Variants in FMNL2 observed in about 807,000 individuals in gnomAD.
FMNL2 encodes the protein formin-like protein 2.
FMNL2 carries 51 observed loss-of-function variants against 130.2 expected under a neutral mutation model. The observed-to-expected ratio is 0.39, with a 90% CI of 0.31 to 0.49. The LOEUF (loss-of-function observed/expected upper bound fraction) is 0.49. Among genes scored for constraint, FMNL2 ranks in the 20% least tolerant of loss-of-function variants. FMNL2 has a pLI of 0.85. For missense variants in FMNL2, 977 were observed against 1,316.2 expected, an observed-to-expected ratio of 0.74 and a Z score of 3.99; for synonymous variants, 465 against 467.1, an observed-to-expected ratio of 1.00 and a Z score of 0.06.
intron 1 of FMNL2, among the ~76,000 whole-genome samples, chr2:152,399,227 G>A (rs892958516): frequency 6.6e-6 from 1 of 152,230 alleles, no homozygotes; most frequent in African/African-American, 2.4e-5. Context: ...AACATTGATA[G>A]AGAAGTGAAA....
At chr2:152,639,045 T>A (rs1204402880) in intron 23 of FMNL2, among the ~76,000 whole-genome samples, 1 of 42,660 alleles carries the variant, frequency 2.3e-5, no homozygotes, top group Non-Finnish European at 5.8e-5. Flanking sequence ...TCCACCTCAC[T>A]GTTCCTCCCT....
At position 152,609,346 on chromosome 2, in the gene FMNL2, C is replaced by T. The variant is rs1029660383; in HGVS notation, c.951+1933C>T. Among the ~76,000 whole-genome samples the T allele has an allele frequency of 8.5e-5, 13 of 152,170 alleles. No individual in the cohort carries two copies. The South Asian group carries it at 1.0e-3, about 12-fold the overall frequency. ...TTTTCCGAAGAGAAATGGAAAGATG[C>T]CAGAATCTAACCATGTTTTCTCTCC... On this transcript the variant is annotated intron_variant, in intron 10 of 25. Coordinates refer to ENST00000288670, the MANE Select transcript of FMNL2 (RefSeq NM_052905.4).
chr2:152,439,162 A>G (rs774687750), intron 1 of FMNL2, among the ~76,000 whole-genome samples: 2 of 149,958 alleles, frequency 1.3e-5, no homozygotes, highest in East Asian at 2.0e-4. Flanking sequence ...TCTTTTTAGT[A>G]GGTTTGGCTT....
At chr2:152,392,877 G>C (rs368318944) in intron 1 of FMNL2, among the ~76,000 whole-genome samples, 1 of 152,274 alleles carries the variant, frequency 6.6e-6, no homozygotes. Context: ...AACTTAAGGA[G>C]AGCTAAGAGT....
intron 2 of FMNL2, among the ~76,000 whole-genome samples, chr2:152,531,492 T>G (rs1297989809): frequency 6.6e-6 from 1 of 152,028 alleles, no homozygotes; most frequent in African/African-American, 2.4e-5. Flanking sequence ...TTTTTTTTCT[T>G]GAGACAGAGT....
chr2:152,514,314 A>G (rs1472254703), intron 1 of FMNL2, among the ~76,000 whole-genome samples: 4 of 152,124 alleles, frequency 2.6e-5, no homozygotes, highest in Non-Finnish European at 4.4e-5. Flanking sequence ...GCCATAGAGT[A>G]AGTTTGAAAT....
At chr2:152,605,532 C>T (rs1283483810) in intron 9 of FMNL2, among the ~76,000 whole-genome samples, 1 of 151,992 alleles carries the variant, frequency 6.6e-6, no homozygotes, top group Non-Finnish European at 1.5e-5. Flanking sequence ...ATTATTTTGC[C>T]CAGGCCAGTC....
At chr2:152,503,436 T>C (rs1691968718) in intron 1 of FMNL2, among the ~76,000 whole-genome samples, 1 of 152,040 alleles carries the variant, frequency 6.6e-6, no homozygotes, top group African/African-American at 2.4e-5. Context: ...CCCAATTAAT[T>C]AGTGGGGGTG....
At chr2:152,344,163 A>G (rs1681974936) in intron 1 of FMNL2, among the ~76,000 whole-genome samples, 1 of 152,148 alleles carries the variant, frequency 6.6e-6, no homozygotes, top group South Asian at 2.1e-4. Flanking sequence ...AACAAAAACA[A>G]AAACAAAAAC....
intron 9 of FMNL2, among the ~76,000 whole-genome samples, chr2:152,605,663 A>G (rs2105838983): frequency 6.6e-6 from 1 of 152,268 alleles, no homozygotes; most frequent in South Asian, 2.1e-4. Flanking sequence ...CCTTCCATGC[A>G]CTGTCCCTCT....
rs1686261090 is a variant in FMNL2, at chr2:152,411,103, A to G, written c.117+75383A>G. On this transcript the variant is annotated intron_variant, in intron 1 of 25. Coordinates refer to ENST00000288670, the MANE Select transcript of FMNL2 (RefSeq NM_052905.4). ...CCCCCAGCAAAATATTTCCTATTAG[A>G]AAAAACATATGAAGCCATTGGTTAG... is the stretch of plus-strand genomic sequence containing the variant. 2.0e-5 allele frequency among the ~76,000 whole-genome samples: 3 copies of G among 152,236 alleles called. No homozygotes were observed. The South Asian group carries it at 6.2e-4, about 31-fold the overall frequency.
intron 1 of FMNL2, among the ~76,000 whole-genome samples, chr2:152,477,379 A>T (rs1690211861): frequency 6.6e-6 from 1 of 152,218 alleles, no homozygotes; most frequent in Non-Finnish European, 1.5e-5. Flanking sequence ...CAGATTCTTC[A>T]TCTATAAAAT....
chr2:152,390,638 C>A (rs1161564838), intron 1 of FMNL2: 1 of 905,488 alleles, frequency 1.1e-6, no homozygotes, highest in Admixed American at 1.7e-5. Context: ...TCAACTAGCC[C>A]GTGCTTTTTC....
intron 16 of FMNL2, among the ~76,000 whole-genome samples, chr2:152,626,286 C>T (rs1681780060): frequency 6.6e-6 from 1 of 152,204 alleles, no homozygotes; most frequent in Non-Finnish European, 1.5e-5. Flanking sequence ...ATCCACCCGC[C>T]TTGGCCTCCC....
chr2:152,442,711 T>C (rs1688118040), intron 1 of FMNL2, among the ~76,000 whole-genome samples: 2 of 152,202 alleles, frequency 1.3e-5, no homozygotes, highest in South Asian at 4.1e-4. Context: ...TATCTACAAA[T>C]TTGACCTTTA....
At chr2:152,499,949 T>C (rs1026949565) in intron 1 of FMNL2, among the ~76,000 whole-genome samples, 4 of 152,224 alleles carry the variant, frequency 2.6e-5, no homozygotes, top group African/African-American at 4.8e-5. Flanking sequence ...ATAATTCTTC[T>C]GAGTTTCTTT....
intron 4 of FMNL2, among the ~76,000 whole-genome samples, chr2:152,552,483 A>G (rs368417606): frequency 2.6e-5 from 4 of 152,306 alleles, no homozygotes; most frequent in African/African-American, 9.6e-5. Flanking sequence ...AACGTTAAAG[A>G]CTTGAGCTTT....
At chr2:152,457,515 A>C (rs1174534914) in intron 1 of FMNL2, among the ~76,000 whole-genome samples, 2 of 152,178 alleles carry the variant, frequency 1.3e-5, no homozygotes, top group African/African-American at 4.8e-5. Context: ...GACACTTACC[A>C]CACAGACTTC....
At position 152,649,390 on chromosome 2, in the gene FMNL2, T is replaced by C. The variant is rs971148563; in HGVS notation, c.*1485T>C. Reference sequence around the variant, plus strand: ...TTTTAACTTATAGTTTTTTTTAATATATATATTTAACTATAAGGACAGTTT... The same window carrying C: ...TTTTAACTTATAGTTTTTTTTAATACATATATTTAACTATAAGGACAGTTT... On this transcript the variant is annotated 3_prime_UTR_variant, in exon 26 of 26. Coordinates refer to ENST00000288670, the MANE Select transcript of FMNL2 (RefSeq NM_052905.4). The C allele has an allele frequency of 6.6e-6, 1 of 152,494 alleles. No individual in the cohort carries two copies. The highest frequency in any genetic ancestry group is 1.5e-5 in the Non-Finnish European group (1 of 68,022). 9.4% of individuals were successfully genotyped at this position (152,494 alleles called of 1,614,324 possible).
Sources: allele counts gnomAD v4.1 joint callset (sites outside exome capture counted in the v4.1 genomes callset), GRCh38; gene constraint gnomAD v4.1.1; transcripts MANE v1.5; gene names NCBI Gene and HGNC (gene_info 2026-07-23, HGNC 2026-07-21).